Variants in PSMA1 observed in about 807,000 individuals in gnomAD.
PSMA1 encodes the protein proteasome subunit alpha type-1.
A neutral mutation model predicts 38.4 loss-of-function variants in PSMA1; 3 were observed. That is an observed-to-expected ratio of 0.08 (90% CI 0.04 to 0.20). The LOEUF (loss-of-function observed/expected upper bound fraction) is 0.20. Ranked by LOEUF, PSMA1 falls within the 10% of genes least tolerant of loss-of-function variation. PSMA1 has a pLI of 1.00. For missense variants in PSMA1, 227 were observed against 325.3 expected (o/e 0.70, Z 2.32); for synonymous variants, 101 against 107.1 (o/e 0.94, Z 0.35).
chr11:14,533,538 A>G (rs1200549468), intron 2 of PSMA1, among the ~76,000 whole-genome samples: 1 of 150,904 alleles, frequency 6.6e-6, no homozygotes, highest in East Asian at 1.9e-4. Flanking sequence ...ATTCACTCAA[A>G]CTATAGGCTT....
At chr11:14,533,371 T>C (rs533222824) in intron 2 of PSMA1, among the ~76,000 whole-genome samples, 94 of 152,272 alleles carry the variant, frequency 6.2e-4, no homozygotes, top group African/African-American at 2.2e-3. Context: ...CTCATATTTC[T>C]TTACCACTGT....
At chr11:14,561,160 T>C (rs1476942879) in intron 2 of PSMA1, among the ~76,000 whole-genome samples, 1 of 152,042 alleles carries the variant, frequency 6.6e-6, no homozygotes, top group African/African-American at 2.4e-5. Context: ...ATTTAGAAAA[T>C]AAAAAGAAGA....
chr11:14,570,004 A>T (rs1852119109), intron 2 of PSMA1, among the ~76,000 whole-genome samples: 1 of 152,220 alleles, frequency 6.6e-6, no homozygotes, highest in African/African-American at 2.4e-5. Flanking sequence ...GCCCTCTGAG[A>T]CAAAGCTTCC....
At chr11:14,564,780 CTTTCT>C (rs766348861) in intron 2 of PSMA1, among the ~76,000 whole-genome samples, 6 of 148,708 alleles carry the variant, frequency 4.0e-5, no homozygotes, top group Non-Finnish European at 7.5e-5. Context: ...TTCTTTCTTT[CTTTCT>C]TTTTTTTTTT....
intron 9 of PSMA1, among the ~76,000 whole-genome samples, chr11:14,505,816 G>A (rs1251904811): frequency 6.6e-6 from 1 of 152,018 alleles, no homozygotes; most frequent in Non-Finnish European, 1.5e-5. Flanking sequence ...ACTGGCCTGG[G>A]CAACACAGTG....
intron 1 of PSMA1, among the ~76,000 whole-genome samples, chr11:14,626,547 C>T (rs993572812): frequency 6.6e-6 from 1 of 152,086 alleles, no homozygotes; most frequent in Admixed American, 6.6e-5. Context: ...GCATGCACAT[C>T]ATGAAGTGTG....
At chr11:14,598,813 T>G (rs934658120) in intron 2 of PSMA1, among the ~76,000 whole-genome samples, 2 of 151,816 alleles carry the variant, frequency 1.3e-5, no homozygotes, top group African/African-American at 4.8e-5. Context: ...TTGCTCATTA[T>G]TTGATGCAGT....
intron 2 of PSMA1, among the ~76,000 whole-genome samples, chr11:14,575,367 G>A (rs1036650185): frequency 4.0e-5 from 6 of 151,796 alleles, no homozygotes; most frequent in African/African-American, 4.8e-5. Flanking sequence ...CCATTAACTC[G>A]TCATTTACAT....
intron 2 of PSMA1, among the ~76,000 whole-genome samples, chr11:14,568,800 G>T (rs769202970): frequency 2.0e-5 from 3 of 152,178 alleles, no homozygotes; most frequent in Non-Finnish European, 4.4e-5. Flanking sequence ...AGGCTTTCTG[G>T]AGTCCTTTGT....
intron 2 of PSMA1, among the ~76,000 whole-genome samples, chr11:14,595,575 C>T (rs886833180): frequency 9.2e-5 from 14 of 152,138 alleles, no homozygotes; most frequent in Admixed American, 3.3e-4. Flanking sequence ...CTGTTCATAT[C>T]CTTTACCCAC....
chr11:14,577,534 C>A (rs749469173), intron 2 of PSMA1, among the ~76,000 whole-genome samples: 18 of 152,330 alleles, frequency 1.2e-4, no homozygotes, highest in Non-Finnish European at 1.9e-4. Context: ...ATCTCACCCT[C>A]TGACCAACTT....
At position 14,606,631 on chromosome 11, in the gene PSMA1, T is replaced by C. The variant is rs539954784; in HGVS notation, c.21+4335A>G. The stretch of plus-strand genomic sequence containing the variant: ...AATTCATGTGCATCAAAAGCCTTTA[T>C]CATGAAACAGAGCTATAAAAAGAAA... On this transcript the variant is annotated intron_variant, in intron 2 of 10. Transcript: ENST00000418988. 5.9e-5 allele frequency among the ~76,000 whole-genome samples: 9 copies of C among 152,276 alleles called. No individual in the cohort carries two copies. In the South Asian group the frequency reaches 1.7e-3, roughly 28 times the overall value.
At chr11:14,547,342 A>G (rs1851837246) in intron 2 of PSMA1, among the ~76,000 whole-genome samples, 1 of 152,216 alleles carries the variant, frequency 6.6e-6, no homozygotes, top group Admixed American at 6.5e-5. Context: ...TATTTTGTGA[A>G]TTTAAAAATT....
chr11:14,508,537 C>T (rs1224001801), intron 8 of PSMA1, among the ~76,000 whole-genome samples: 2 of 133,194 alleles, frequency 1.5e-5, no homozygotes, highest in African/African-American at 5.6e-5. Flanking sequence ...TTATTTCTCT[C>T]CTCTTCCAGT....
At position 14,596,914 on chromosome 11, in the gene PSMA1, G is replaced by A. The variant is rs564608038; in HGVS notation, c.21+14052C>T. ...AATAGCTCTTATTATTTTGAAATAC[G>A]TTCCATCAATACCTAGTTTATTGAA... On this transcript the variant is annotated intron_variant, in intron 2 of 10. Coordinates refer to the PSMA1 transcript ENST00000418988. Among the ~76,000 whole-genome samples the A allele has an allele frequency of 1.3e-4, 20 of 152,276 alleles. No homozygotes were observed. In the East Asian group the frequency reaches 2.5e-3, roughly 19 times the overall value.
chr11:14,617,685 GTA>G (rs3087097), intron 1 of PSMA1, among the ~76,000 whole-genome samples: 15,270 of 144,572 alleles, frequency 0.11, 1,346 homozygotes, highest in African/African-American at 0.25. Flanking sequence ...ATATATATAC[GTA>G]TATATATATA....
intron 8 of PSMA1, among the ~76,000 whole-genome samples, chr11:14,509,878 C>T (rs1851315820): frequency 6.6e-6 from 1 of 152,096 alleles, no homozygotes; most frequent in Non-Finnish European, 1.5e-5. Context: ...CGCCTGCCAC[C>T]AAGCCCGGCT....
At chr11:14,549,923 G>A (rs1269569606) in intron 2 of PSMA1, among the ~76,000 whole-genome samples, 2 of 152,122 alleles carry the variant, frequency 1.3e-5, no homozygotes. Flanking sequence ...TGGGATCTTT[G>A]TTATCTCAGC....
At chr11:14,582,614 T>C (rs1204582324) in intron 2 of PSMA1, among the ~76,000 whole-genome samples, 1 of 152,076 alleles carries the variant, frequency 6.6e-6, no homozygotes, top group Non-Finnish European at 1.5e-5. Flanking sequence ...GCCTCCCAGG[T>C]TCAAACAATT....
Sources: gnomAD v4.1 joint callset for allele counts (sites outside exome capture counted in the v4.1 genomes callset) on GRCh38, gnomAD v4.1.1 for gene constraint, MANE v1.5 for transcripts, NCBI Gene and HGNC (gene_info 2026-07-23, HGNC 2026-07-21) for gene names.